STK3: variants seen among roughly 807,000 people sequenced by gnomAD.
STK3 encodes the protein serine/threonine-protein kinase 3.
STK3 carries 41 observed loss-of-function variants against 58.0 expected under a neutral mutation model. The ratio of observed to expected loss-of-function variants is 0.71; its 90% confidence interval spans 0.55 to 0.92. The LOEUF (loss-of-function observed/expected upper bound fraction) is 0.92, where lower values mean the gene tolerates loss of function less well. Ranked by LOEUF, STK3 falls within the 40% of genes least tolerant of loss-of-function variation. The pLI is 0.00. For missense variants in STK3, 479 were observed against 602.7 expected (o/e 0.79, Z 2.15); for synonymous variants, 170 against 191.0 (o/e 0.89, Z 0.91).
intron 6 of STK3, among the ~76,000 whole-genome samples, chr8:98,623,349 T>C (rs1228626917): frequency 1.3e-5 from 2 of 152,220 alleles, no homozygotes; most frequent in African/African-American, 4.8e-5. Flanking sequence ...AAAGCCCTAA[T>C]GCTCCATGTT....
At chr8:98,508,714 A>G (rs1254734509) in intron 10 of STK3, among the ~76,000 whole-genome samples, 1 of 152,178 alleles carries the variant, frequency 6.6e-6, no homozygotes, top group East Asian at 1.9e-4. Flanking sequence ...CTTAAGAAAT[A>G]AAACAATTTT....
intron 3 of STK3, among the ~76,000 whole-genome samples, chr8:98,839,440 T>C (rs1009415442): frequency 5.3e-5 from 8 of 152,206 alleles, no homozygotes; most frequent in Non-Finnish European, 8.8e-5. Context: ...AAAGACTGAA[T>C]ATTCAAACTT....
chr8:98,758,861 T>C (rs1288561152), intron 3 of STK3, among the ~76,000 whole-genome samples: 1 of 152,252 alleles, frequency 6.6e-6, no homozygotes, highest in African/African-American at 2.4e-5. Context: ...GACAGCTTCT[T>C]TGTTTAAGCC....
At chr8:98,423,538 G>A (rs551140006) in intron 3 of STK3, among the ~76,000 whole-genome samples, 1 of 152,348 alleles carries the variant, frequency 6.6e-6, no homozygotes, top group South Asian at 2.1e-4. Context: ...TCCCTGGAAG[G>A]CTTTCAGGAG....
intron 4 of STK3, among the ~76,000 whole-genome samples, chr8:98,742,379 C>T (rs1829293941): frequency 7.5e-6 from 1 of 133,126 alleles, no homozygotes; most frequent in Non-Finnish European, 1.6e-5. Flanking sequence ...AAAGCTTATC[C>T]ACCATGACCA....
chr8:98,646,699 T>C (rs1450822205), intron 6 of STK3, among the ~76,000 whole-genome samples: 1 of 152,184 alleles, frequency 6.6e-6, no homozygotes, highest in African/African-American at 2.4e-5. Flanking sequence ...TTTTTTCTGT[T>C]TTACAGTAAT....
chr8:98,400,227 A>G (rs1817929953), downstream of STK3, among the ~76,000 whole-genome samples: 1 of 152,148 alleles, frequency 6.6e-6, no homozygotes, highest in Non-Finnish European at 1.5e-5. Context: ...TTTGCAGGAG[A>G]TGGTTACTGA....
intron 10 of STK3, among the ~76,000 whole-genome samples, chr8:98,493,668 T>C (rs1438606673): frequency 1.7e-4 from 26 of 152,208 alleles, no homozygotes; most frequent in Admixed American, 1.6e-3. Context: ...ACTTGAACTA[T>C]ACCAATTAAA....
intron 3 of STK3, chr8:98,427,936 A>T: frequency 1.4e-6 from 2 of 1,427,084 alleles, no homozygotes; most frequent in Non-Finnish European, 1.9e-6. Context: ...CTCCGCTTCC[A>T]GGTGTAGCGC....
At chr8:98,413,490 C>G (rs1454901310) in intron 3 of STK3, 1 of 615,654 alleles carries the variant, frequency 1.6e-6, no homozygotes, top group African/African-American at 1.8e-5. Flanking sequence ...CAGAATGTGC[C>G]GAAGTCCATT....
intron 1 of STK3, among the ~76,000 whole-genome samples, chr8:98,778,689 A>G (rs1831887591): frequency 6.6e-6 from 1 of 152,210 alleles, no homozygotes; most frequent in African/African-American, 2.4e-5. Flanking sequence ...ACCATGGAAT[A>G]CTATGCAGCC....
At chr8:98,624,244 G>A (rs917305579) in intron 6 of STK3, among the ~76,000 whole-genome samples, 7 of 152,186 alleles carry the variant, frequency 4.6e-5, no homozygotes, top group Non-Finnish European at 8.8e-5. Flanking sequence ...GCCTGGTTAC[G>A]AGGAACACAG....
At chr8:98,509,480 TA>T (rs911183390) in intron 10 of STK3, among the ~76,000 whole-genome samples, 2 of 152,098 alleles carry the variant, frequency 1.3e-5, no homozygotes, top group Non-Finnish European at 2.9e-5. Flanking sequence ...AAGAGACTGG[TA>T]AGTTTAATGA....
At chr8:98,484,866 CA>C (rs1450160406) in intron 10 of STK3, among the ~76,000 whole-genome samples, 3 of 152,078 alleles carry the variant, frequency 2.0e-5, no homozygotes, top group African/African-American at 7.2e-5. Context: ...TTACAGCATA[CA>C]AAATACTGAG....
downstream of STK3, chr8:98,881,060 ATAT>A (rs1837774482): frequency 6.6e-6 from 1 of 152,236 alleles, no homozygotes; most frequent in Non-Finnish European, 1.5e-5. Context: ...AACATATAGC[ATAT>A]TATTATTTAG....
At chr8:98,348,203 A>T in the STK3 span, among the ~76,000 whole-genome samples, 4 of 152,276 alleles carry the variant, frequency 2.6e-5, no homozygotes, top group African/African-American at 9.6e-5. Context: ...TTGGATATCC[A>T]TATATAAAAA....
chr8:98,387,792 C>T (rs899998152), intron 1 of STK3, among the ~76,000 whole-genome samples: 1 of 151,596 alleles, frequency 6.6e-6, no homozygotes, highest in African/African-American at 2.4e-5. Flanking sequence ...TACCTAGTAA[C>T]GGTGAGCACC....
At chr8:98,571,686 A>G (rs1011572700) in intron 8 of STK3, among the ~76,000 whole-genome samples, 1 of 152,216 alleles carries the variant, frequency 6.6e-6, no homozygotes, top group African/African-American at 2.4e-5. Flanking sequence ...TCTTTGAGTC[A>G]TTAATAAGTT....
rs144855680 is a variant in STK3, at chr8:98,670,625, C to A, written c.684+35842G>T. On this transcript the variant is annotated intron_variant, in intron 6 of 10. Coordinates refer to ENST00000419617, the MANE Select transcript of STK3 (RefSeq NM_006281.4). ...GAGAGAGAACTTCTATTTCTGTTTG[C>A]CTGCTCTTTCCCAACTGGTTCTTTC... Among the ~76,000 whole-genome samples the A allele has an allele frequency of 2.0e-3, 310 of 152,248 alleles. 3 individuals are homozygous for A. The highest frequency in any genetic ancestry group is 3.7e-3 in the Non-Finnish European group (250 of 68,022).
Sources: allele counts gnomAD v4.1 joint callset (sites outside exome capture counted in the v4.1 genomes callset), GRCh38; gene constraint gnomAD v4.1.1; transcripts MANE v1.5; gene names NCBI Gene and HGNC (gene_info 2026-07-23, HGNC 2026-07-21).